DMGDH: variants seen among roughly 807,000 people sequenced by gnomAD.
DMGDH encodes dimethylglycine dehydrogenase, also known as dimethylglycine dehydrogenase, mitochondrial.
In DMGDH, 76 loss-of-function variants were observed where a neutral mutation model predicts 95.2. That is an observed-to-expected ratio of 0.80 (90% CI 0.66 to 0.97). The LOEUF (loss-of-function observed/expected upper bound fraction) is 0.97. Among genes scored for constraint, DMGDH ranks in the 50% least tolerant of loss-of-function variants. The pLI, the probability that DMGDH is intolerant of heterozygous loss-of-function variation, is 0.00. For synonymous variants in DMGDH, 345 were observed against 377.6 expected (o/e 0.91, Z 1.00); for missense variants, 987 against 1,055.0 (o/e 0.94, Z 0.89).
intron 11 of DMGDH, 129 bp from the exon 12 acceptor site, chr5:79,028,779 A>G: frequency 9.8e-7 from 1 of 1,024,872 alleles, no homozygotes; most frequent in Non-Finnish European, 1.5e-6. Flanking sequence ...ATTTCATGAA[A>G]TCACACTGAT....
chr5:79,015,517 T>A (rs1753715816), intron 14 of DMGDH, among the ~76,000 whole-genome samples: 1 of 152,186 alleles, frequency 6.6e-6, no homozygotes, highest in Non-Finnish European at 1.5e-5. Flanking sequence ...CCCAGGACTT[T>A]TCAAGTATCA....
chr5:79,026,492 C>G lies in DMGDH; in HGVS notation c.2122G>C (p.Asp708His). ...IMNAGQEEGI[D>H]NFGTYAMNAL... ...TTCATGGCATAGGTTCCAAAATTGTCGATTCCCTCCTCCTGGCCTGCATTC... is the reference window on the plus strand; with the variant it reads ...TTCATGGCATAGGTTCCAAAATTGTGGATTCCCTCCTCCTGGCCTGCATTC... The change falls in exon 13 of 16, where the codon GAC becomes CAC. Residue 708 changes from aspartate to histidine, a missense_variant. By Grantham distance (81) the Asp-to-His change is moderately conservative. Transcript: ENST00000255189. 6.2e-7 allele frequency: 1 copy of G among 1,614,140 alleles called. No homozygotes were observed. Among genetic ancestry groups the G allele is most frequent in the Non-Finnish European group, 8.5e-7 (1 of 1,180,016 alleles).
intron 15 of DMGDH, among the ~76,000 whole-genome samples, chr5:79,003,604 G>A (rs980286808): frequency 1.3e-5 from 2 of 152,168 alleles, no homozygotes; most frequent in African/African-American, 4.8e-5. Context: ...GGCTTCACAG[G>A]CTCTAATAAC....
At chr5:79,056,268 C>G (rs4512118) in intron 2 of DMGDH, among the ~76,000 whole-genome samples, 129,206 of 152,032 alleles carry the variant, frequency 0.85, 55,142 homozygotes, top group East Asian at 0.93. Flanking sequence ...AGAAAAGTAT[C>G]TTGGGAGGCC....
In DMGDH at chr5:79,033,420, A is replaced by T; in HGVS notation, c.1194-12T>A. 6.2e-7 allele frequency: 1 copy of T among 1,613,966 alleles called. No individual in the cohort carries two copies. Among genetic ancestry groups the T allele is most frequent in the Non-Finnish European group, 8.5e-7 (1 of 1,179,988 alleles). On this transcript the variant is annotated splice_polypyrimidine_tract_variant and intron_variant, in intron 7 of 15. Transcript: ENST00000255189. Reference sequence around the variant, plus strand: ...GGATTATGCCATATCTTTCAAATACAGGGATAGAAAACCCATTACTAACAC... The same window carrying T: ...GGATTATGCCATATCTTTCAAATACTGGGATAGAAAACCCATTACTAACAC...
chr5:79,032,690 T>C lies in DMGDH; in HGVS notation c.1514A>G (p.Tyr505Cys), dbSNP rs1754214522. 6.2e-7 allele frequency: 1 copy of C among 1,614,164 alleles called. No individual in the cohort carries two copies. The highest frequency in any genetic ancestry group is 1.3e-5 in the African/African-American group (1 of 75,048). ...WFYKPGQDTQ[Y>C]RPSFRRTNWF... ...GCAGGTAAAGTCCTTCTCCCACCTG[T>C]ACTGAGTGTCCTGGCCTGGTTTGTA... The change falls in exon 9 of 16, where the codon TAC becomes TGC. Residue 505 changes from tyrosine (Y) to cysteine (C), a missense_variant. Physicochemically the swap from Tyr to Cys is radical, Grantham distance 194 (BLOSUM62 -2). Coordinates refer to ENST00000255189, the MANE Select transcript of DMGDH (RefSeq NM_013391.3).
At position 79,009,365 on chromosome 5, in the gene DMGDH, C is replaced by CTT. The variant is rs34398829; in HGVS notation, c.2251-3960_2251-3959dup. ...TTCTTCTTTTCTTTTCTTTTCTTTTCTTTTTTTTTTTTTGAGACAGAATCT... is the reference window on the plus strand; with the variant it reads ...TTCTTCTTTTCTTTTCTTTTCTTTTCTTTTTTTTTTTTTTTGAGACAGAATCT... On this transcript the variant is annotated intron_variant, in intron 14 of 15. Transcript: ENST00000255189. 8.8e-3 allele frequency among the ~76,000 whole-genome samples: 1,170 copies of CTT among 132,452 alleles called. 25 individuals carry two copies. Among genetic ancestry groups the CTT allele is most frequent in the African/African-American group, 0.031 (1,024 of 33,276 alleles). 86.9% of individuals were successfully genotyped at this position (132,452 alleles called of 152,430 possible).
intron 15 of DMGDH, among the ~76,000 whole-genome samples, chr5:79,004,285 A>G (rs1327497161): frequency 6.6e-6 from 1 of 152,230 alleles, no homozygotes; most frequent in Non-Finnish European, 1.5e-5. Flanking sequence ...TTCTTTGTCA[A>G]ATTGACCCAT....
At chr5:79,034,338 T>C (rs1184583522) in intron 7 of DMGDH, among the ~76,000 whole-genome samples, 2 of 152,176 alleles carry the variant, frequency 1.3e-5, no homozygotes, top group South Asian at 2.1e-4. Flanking sequence ...AATAGGCCAC[T>C]TGATGGGGAA....
intron 5 of DMGDH, among the ~76,000 whole-genome samples, chr5:79,045,273 TA>T (rs2112649822): frequency 6.6e-6 from 1 of 152,350 alleles, no homozygotes; most frequent in South Asian, 2.1e-4. Context: ...ATTGGTCTCA[TA>T]AGTAGGCAGG....
At chr5:79,015,250 T>C (rs544554891) in intron 14 of DMGDH, among the ~76,000 whole-genome samples, 2 of 152,286 alleles carry the variant, frequency 1.3e-5, no homozygotes, top group African/African-American at 4.8e-5. Flanking sequence ...TATCCACCCT[T>C]CCTTCTAAAT....
chr5:79,054,209 A>ATCTCTTGAATTT lies in DMGDH; in HGVS notation c.503_514dup (p.Lys168_Glu171dup). 6.2e-7 allele frequency: 1 copy of ATCTCTTGAATTT among 1,614,134 alleles called. No individual in the cohort carries two copies. Among genetic ancestry groups the ATCTCTTGAATTT allele is most frequent in the Non-Finnish European group, 8.5e-7 (1 of 1,179,990 alleles). ...CTTATTCATGTTGAGTAAAGGGAAC[A>ATCTCTTGAATTT]TCTCTTGAATTTTTTCAGGTTCAAT... On this transcript the variant is annotated inframe_insertion, in exon 4 of 16. Coordinates refer to ENST00000255189, the MANE Select transcript of DMGDH (RefSeq NM_013391.3).
chr5:79,048,080 C>G (rs1324223948), intron 5 of DMGDH, among the ~76,000 whole-genome samples: 1 of 152,128 alleles, frequency 6.6e-6, no homozygotes, highest in Non-Finnish European at 1.5e-5. Context: ...TAACCTGATG[C>G]TAGTGTCTCC....
At chr5:79,013,453 G>C (rs1212456621) in intron 14 of DMGDH, among the ~76,000 whole-genome samples, 4 of 152,022 alleles carry the variant, frequency 2.6e-5, no homozygotes, top group Non-Finnish European at 5.9e-5. Flanking sequence ...TCATCTTCCT[G>C]TCTTCTTCTG....
intron 2 of DMGDH, among the ~76,000 whole-genome samples, chr5:79,060,521 C>T (rs760905378): frequency 8.5e-5 from 13 of 152,194 alleles, no homozygotes; most frequent in Admixed American, 2.0e-4. Flanking sequence ...GAGCACATAT[C>T]GTGCTTCAGG....
At chr5:79,003,891 G>A (rs1182319102) in intron 15 of DMGDH, among the ~76,000 whole-genome samples, 2 of 152,102 alleles carry the variant, frequency 1.3e-5, no homozygotes, top group Non-Finnish European at 2.9e-5. Flanking sequence ...AGGTTGCAGT[G>A]AGCTGAGATC....
chr5:79,004,812 T>C (rs2112599170), intron 15 of DMGDH, among the ~76,000 whole-genome samples: 1 of 152,354 alleles, frequency 6.6e-6, no homozygotes, highest in African/African-American at 2.4e-5. Flanking sequence ...TCACTTTATT[T>C]TCTAAGGTTT....
intron 7 of DMGDH, 93 bp downstream of exon 7, chr5:79,042,190 C>T (rs1754528202): frequency 8.3e-7 from 1 of 1,209,300 alleles, no homozygotes; most frequent in Non-Finnish European, 1.2e-6. Flanking sequence ...CTCAGCCTCC[C>T]ACATTTCCCT....
At chr5:79,020,674 T>G (rs1008108128) in intron 14 of DMGDH, 3 of 978,012 alleles carry the variant, frequency 3.1e-6, no homozygotes, top group Non-Finnish European at 3.6e-6. Flanking sequence ...AACTTATGTT[T>G]AATAGAGATT....
Sources: allele counts gnomAD v4.1 joint callset (sites outside exome capture counted in the v4.1 genomes callset), GRCh38; gene constraint gnomAD v4.1.1; transcripts MANE v1.5; gene names NCBI Gene and HGNC (gene_info 2026-07-23, HGNC 2026-07-21).